TMEM178A: variants seen among roughly 807,000 people sequenced by gnomAD.
TMEM178A encodes transmembrane protein 178.
A neutral mutation model predicts 29.1 loss-of-function variants in TMEM178A; 12 were observed. The observed-to-expected ratio is 0.41, with a 90% CI of 0.26 to 0.67. The LOEUF is 0.67. Among genes scored for constraint, TMEM178A ranks in the 30% least tolerant of loss-of-function variants. The pLI, the probability that TMEM178A is intolerant of heterozygous loss-of-function variation, is 0.29. For synonymous variants in TMEM178A, 210 were observed against 187.2 expected (o/e 1.12, Z -0.99); for missense variants, 366 against 419.1 (o/e 0.87, Z 1.11).
In TMEM178A at chr2:39,704,051, T is replaced by A. The variant is rs765405415; in HGVS notation, c.401-30T>A. ...AGAATTCTGTTACAAATAAGCAGAC[T>A]CGTAAATCGCGTTTCTTATTTCCTT... is the stretch of plus-strand genomic sequence containing the variant. On this transcript the variant is annotated intron_variant, in intron 1 of 3. Coordinates refer to ENST00000281961, the MANE Select transcript of TMEM178A (RefSeq NM_152390.3). 3 of 1,593,862 alleles carry A rather than the reference T, an allele frequency of 1.9e-6. No homozygotes were observed. In the African/African-American group the frequency reaches 4.0e-5, roughly 21 times the overall value.
At chr2:39,722,898 A>G (rs911064427), downstream of TMEM178A, among the ~76,000 whole-genome samples, 3 of 152,190 alleles carry the variant, frequency 2.0e-5, no homozygotes, top group Admixed American at 1.3e-4. Context: ...GTTCATCAGC[A>G]AGTGTTCTAA....
intron 1 of TMEM178A, among the ~76,000 whole-genome samples, chr2:39,701,156 T>A (rs527348079): frequency 6.6e-6 from 1 of 152,188 alleles, no homozygotes; most frequent in Non-Finnish European, 1.5e-5. Context: ...TGCTTTTTAT[T>A]TTTTAAATAT....
At position 39,717,576 on chromosome 2, in the gene TMEM178A, A is replaced by T. The variant is rs1672600770; in HGVS notation, c.*325A>T. 4.6e-6 allele frequency: 1 copy of T among 215,876 alleles called. No individual in the cohort carries two copies. Among genetic ancestry groups the T allele is most frequent in the South Asian group, 1.3e-4 (1 of 7,656 alleles). The allele number at this position is 215,876 out of a possible 1,614,324, so 13.4% of individuals were successfully genotyped here. On this transcript the variant is annotated 3_prime_UTR_variant, in exon 4 of 4. Coordinates refer to ENST00000281961, the MANE Select transcript of TMEM178A (RefSeq NM_152390.3). ...TTATTTCAGAAAGTTTGTATGTAAC[A>T]ATTACCCGAGAGTCATTTCTACTTG...
the TMEM178A span, among the ~76,000 whole-genome samples, chr2:39,725,452 GAAGAAAA>G: frequency 4.6e-5 from 7 of 152,084 alleles, no homozygotes; most frequent in Non-Finnish European, 1.0e-4. Flanking sequence ...TATCACAAAG[GAAGAAAA>G]AAATCTTCCT....
chr2:39,725,599 A>C, the TMEM178A span, among the ~76,000 whole-genome samples: 1 of 152,172 alleles, frequency 6.6e-6, no homozygotes, highest in Non-Finnish European at 1.5e-5. Flanking sequence ...GATGACCATG[A>C]AAAGTAACTT....
chr2:39,676,979 G>T (rs1328465084), intron 1 of TMEM178A, among the ~76,000 whole-genome samples: 2 of 152,128 alleles, frequency 1.3e-5, no homozygotes, highest in African/African-American at 4.8e-5. Context: ...GTTCTAAGGA[G>T]GCTTATTTAT....
intron 1 of TMEM178A, among the ~76,000 whole-genome samples, chr2:39,676,261 A>G (rs1001927800): frequency 7.9e-5 from 12 of 152,242 alleles, no homozygotes; most frequent in Non-Finnish European, 1.8e-4. Context: ...AAAACGTATT[A>G]TCTTGTGTAA....
chr2:39,715,076 A>C (rs1672480764), intron 3 of TMEM178A, among the ~76,000 whole-genome samples: 1 of 152,188 alleles, frequency 6.6e-6, no homozygotes. Flanking sequence ...TGTTTAGTAG[A>C]GCTGGAAACT....
intron 1 of TMEM178A, among the ~76,000 whole-genome samples, chr2:39,683,028 A>G (rs1478462171): frequency 6.6e-6 from 1 of 152,222 alleles, no homozygotes; most frequent in East Asian, 1.9e-4. Context: ...ATTAGGACCC[A>G]TGGATGCAGA....
At chr2:39,674,403 G>A (rs1339634463) in intron 1 of TMEM178A, among the ~76,000 whole-genome samples, 1 of 152,206 alleles carries the variant, frequency 6.6e-6, no homozygotes, top group Non-Finnish European at 1.5e-5. Context: ...TCTAAGTGAA[G>A]TAACTCAGGA....
At chr2:39,689,231 T>C (rs1353142162) in intron 1 of TMEM178A, among the ~76,000 whole-genome samples, 1 of 152,242 alleles carries the variant, frequency 6.6e-6, no homozygotes, top group Non-Finnish European at 1.5e-5. Flanking sequence ...CATGCTAAAA[T>C]GTGCAGCCTT....
chr2:39,698,692 T>C (rs1267005708), intron 1 of TMEM178A, among the ~76,000 whole-genome samples: 1 of 134,246 alleles, frequency 7.4e-6, no homozygotes, highest in Non-Finnish European at 1.6e-5. Flanking sequence ...GTTTCCTTCA[T>C]GCTCTATTTT....
chr2:39,721,758 C>T (rs1377617059), downstream of TMEM178A, among the ~76,000 whole-genome samples: 10 of 152,044 alleles, frequency 6.6e-5, no homozygotes, highest in Non-Finnish European at 8.8e-5. Context: ...TTTTGGAAGG[C>T]TGAGGCTGGA....
chr2:39,693,814 T>C (rs1671426170), intron 1 of TMEM178A, among the ~76,000 whole-genome samples: 1 of 152,210 alleles, frequency 6.6e-6, no homozygotes, highest in Non-Finnish European at 1.5e-5. Context: ...GATATTACTT[T>C]TTATTATAGA....
At chr2:39,733,696 G>A in the TMEM178A span, among the ~76,000 whole-genome samples, 1 of 152,082 alleles carries the variant, frequency 6.6e-6, no homozygotes, top group Non-Finnish European at 1.5e-5. Flanking sequence ...TTGCAAAATT[G>A]GATGTTTGCA....
chr2:39,730,817 G>A, the TMEM178A span, among the ~76,000 whole-genome samples: 3 of 152,216 alleles, frequency 2.0e-5, no homozygotes, highest in Admixed American at 6.5e-5. Context: ...AGCGTAATTA[G>A]GAGTGATATA....
chr2:39,671,549 C>T (rs970234935), intron 1 of TMEM178A, among the ~76,000 whole-genome samples: 4 of 152,216 alleles, frequency 2.6e-5, no homozygotes, highest in East Asian at 1.9e-4. Context: ...ATTAAGACTT[C>T]GTTTTTCTTT....
At position 39,666,384 on chromosome 2, in the gene TMEM178A, G is replaced by C; in HGVS notation, c.400+10G>C. 2 of 1,353,380 alleles carry C rather than the reference G, an allele frequency of 1.5e-6. No individual in the cohort carries two copies. The highest frequency in any genetic ancestry group is 1.9e-6 in the Non-Finnish European group (2 of 1,048,138). The allele number at this position is 1,353,380 out of a possible 1,614,324, so 83.8% of individuals were successfully genotyped here. On this transcript the variant is annotated intron_variant, in intron 1 of 3. Coordinates refer to ENST00000281961, the MANE Select transcript of TMEM178A (RefSeq NM_152390.3). ...ACCCTCATCCTGAAAGGTGAGCGGC[G>C]GGCGCACCCCGCGTCCCCGGCGCCC...
At chr2:39,683,472 G>A (rs1156571024) in intron 1 of TMEM178A, among the ~76,000 whole-genome samples, 4 of 152,194 alleles carry the variant, frequency 2.6e-5, no homozygotes, top group African/African-American at 7.2e-5. Flanking sequence ...CCCTGCAATC[G>A]GATCTGGTGC....
Sources: allele counts gnomAD v4.1 joint callset (sites outside exome capture counted in the v4.1 genomes callset), GRCh38; gene constraint gnomAD v4.1.1; transcripts MANE v1.5; gene names NCBI Gene and HGNC (gene_info 2026-07-23, HGNC 2026-07-21).